Variants in CHRM2 observed in about 807,000 individuals in gnomAD.
CHRM2 encodes the protein cholinergic receptor muscarinic 2.
CHRM2 carries 8 observed loss-of-function variants against 25.0 expected under a neutral mutation model. That is an observed-to-expected ratio of 0.32 (90% CI 0.19 to 0.58). The LOEUF (loss-of-function observed/expected upper bound fraction) is 0.58, where lower values mean the gene tolerates loss of function less well. Ranked by LOEUF, CHRM2 falls within the 20% of genes least tolerant of loss-of-function variation. The pLI, the probability that CHRM2 is intolerant of heterozygous loss-of-function variation, is 0.88. For missense variants in CHRM2, 440 were observed against 567.1 expected, an observed-to-expected ratio of 0.78 and a Z score of 2.28; for synonymous variants, 202 against 205.7, an observed-to-expected ratio of 0.98 and a Z score of 0.15.
intron 2 of CHRM2, among the ~76,000 whole-genome samples, chr7:136,958,135 T>A (rs2130880432): frequency 6.6e-6 from 1 of 152,304 alleles, no homozygotes; most frequent in Admixed American, 6.5e-5. Context: ...CACATTTTTA[T>A]GCTAACGGAA....
chr7:136,962,537 C>T (rs941399996), intron 2 of CHRM2, among the ~76,000 whole-genome samples: 1 of 152,144 alleles, frequency 6.6e-6, no homozygotes, highest in African/African-American at 2.4e-5. Flanking sequence ...TAGTCATGCC[C>T]TGTTCTCTGA....
rs146350491 is a variant in CHRM2, at chr7:136,979,366, T to C, written c.-124-12821T>C. ...ATTAGTGCTTTGTCAGATGGATAGA[T>C]TGCAAAATTTTTCTCCTATTCTGTA... On this transcript the variant is annotated intron_variant, in intron 2 of 3. Transcript: ENST00000680005. 1.9e-3 allele frequency among the ~76,000 whole-genome samples: 283 copies of C among 152,340 alleles called. 9 individuals are homozygous for C. The East Asian group carries it at 0.051, about 27-fold the overall frequency.
At chr7:136,883,185 C>T (rs1248234363) in intron 2 of CHRM2, among the ~76,000 whole-genome samples, 1 of 152,132 alleles carries the variant, frequency 6.6e-6, no homozygotes, top group South Asian at 2.1e-4. Flanking sequence ...AGCTCCCTAG[C>T]AGTGGGGATC....
chr7:136,912,158 TA>T (rs1465238664), intron 2 of CHRM2, among the ~76,000 whole-genome samples: 1 of 151,964 alleles, frequency 6.6e-6, no homozygotes, highest in Non-Finnish European at 1.5e-5. Flanking sequence ...TGAAAGTTTC[TA>T]ACCCCTTCTC....
In CHRM2 at chr7:136,868,733, G is replaced by A. The variant is rs1399437712; in HGVS notation, c.-542G>A. On this transcript the variant is annotated 5_prime_UTR_variant, in exon 1 of 4. Transcript: ENST00000680005. ...AAGGCGCCAGGGCGCAAAGACCTAG[G>A]GAGCGCGCGCGGGCACACACACACA... The A allele has an allele frequency of 1.3e-5, 2 of 148,510 alleles. No individual in the cohort carries two copies. The highest frequency in any genetic ancestry group is 2.5e-5 in the African/African-American group (1 of 39,602). 9.2% of individuals were successfully genotyped at this position (148,510 alleles called of 1,614,324 possible).
At chr7:136,931,072 G>A (rs536608948) in intron 2 of CHRM2, among the ~76,000 whole-genome samples, 5 of 152,198 alleles carry the variant, frequency 3.3e-5, no homozygotes, top group Non-Finnish European at 7.4e-5. Flanking sequence ...GGATTATTTT[G>A]ATTCGTTCTA....
At chr7:136,998,925 C>T (rs1274266702) in intron 3 of CHRM2, among the ~76,000 whole-genome samples, 1 of 152,006 alleles carries the variant, frequency 6.6e-6, no homozygotes, top group Admixed American at 6.6e-5. Flanking sequence ...GAAGTAGCTA[C>T]CAGTTAGTTA....
chr7:136,955,518 C>T (rs376864828), intron 2 of CHRM2, among the ~76,000 whole-genome samples: 1 of 152,146 alleles, frequency 6.6e-6, no homozygotes, highest in East Asian at 1.9e-4. Context: ...CAAATTCCAG[C>T]CATGAGTTGG....
At chr7:137,003,697 A>G (rs1262928560) in intron 3 of CHRM2, among the ~76,000 whole-genome samples, 1 of 152,132 alleles carries the variant, frequency 6.6e-6, no homozygotes, top group Non-Finnish European at 1.5e-5. Context: ...CAGACAATGC[A>G]TGCTAAACCA....
At chr7:137,010,908 G>A (rs1804761446) in intron 3 of CHRM2, among the ~76,000 whole-genome samples, 1 of 151,892 alleles carries the variant, frequency 6.6e-6, no homozygotes. Context: ...CAAAGGGCAA[G>A]GGAAACAGAG....
chr7:136,973,539 G>A (rs113465557), intron 2 of CHRM2, among the ~76,000 whole-genome samples: 20 of 112,478 alleles, frequency 1.8e-4, no homozygotes, highest in South Asian at 3.7e-4. Context: ...TGACGGTGAC[G>A]GTGTTAGGGA....
At position 136,890,273 on chromosome 7, in the gene CHRM2, G is replaced by A. The variant is rs118074269; in HGVS notation, c.-125+20855G>A. ...GGAAAGGCGTGGGCACATGGACTCC[G>A]AACTATAACGTCACCATTAACACTT... On this transcript the variant is annotated intron_variant, in intron 2 of 3. Transcript: ENST00000680005. Among the ~76,000 whole-genome samples the A allele has an allele frequency of 1.2e-3, 183 of 152,228 alleles. 1 individual carries two copies. The East Asian group carries it at 0.03, about 25-fold the overall frequency.
At chr7:136,946,062 A>G (rs1346652459) in intron 2 of CHRM2, among the ~76,000 whole-genome samples, 2 of 152,136 alleles carry the variant, frequency 1.3e-5, no homozygotes, top group African/African-American at 4.8e-5. Context: ...TCCTAGCTAA[A>G]TTCACATCAT....
intron 2 of CHRM2, among the ~76,000 whole-genome samples, chr7:136,922,255 A>G (rs1798491730): frequency 6.6e-6 from 1 of 152,192 alleles, no homozygotes; most frequent in Admixed American, 6.5e-5. Flanking sequence ...TTTACTGTAC[A>G]AGCATTTCCC....
At chr7:137,013,966 T>A in intron 3 of CHRM2, among the ~76,000 whole-genome samples, 1 of 152,158 alleles carries the variant, frequency 6.6e-6, no homozygotes, top group East Asian at 1.9e-4. Context: ...AATAGTAAGA[T>A]AATAGATTTG....
At chr7:136,976,492 A>T (rs1802112735) in intron 2 of CHRM2, among the ~76,000 whole-genome samples, 1 of 152,182 alleles carries the variant, frequency 6.6e-6, no homozygotes, top group Non-Finnish European at 1.5e-5. Context: ...ACCAAGAAAT[A>T]AAGTGGCTAA....
At chr7:137,011,194 C>CAT (rs1554436247) in intron 3 of CHRM2, among the ~76,000 whole-genome samples, 31 of 136,438 alleles carry the variant, frequency 2.3e-4, no homozygotes, top group African/African-American at 8.7e-4. Flanking sequence ...TATATGTGTA[C>CAT]GTGTGTGTGT....
chr7:136,940,992 C>A (rs1271360986), intron 2 of CHRM2, among the ~76,000 whole-genome samples: 3 of 152,154 alleles, frequency 2.0e-5, no homozygotes, highest in African/African-American at 7.2e-5. Flanking sequence ...AGGGGCCTGA[C>A]CTTGCCCAGC....
chr7:136,880,284 A>G (rs1241756683), intron 2 of CHRM2, among the ~76,000 whole-genome samples: 1 of 151,846 alleles, frequency 6.6e-6, no homozygotes, highest in African/African-American at 2.4e-5. Context: ...TTTCAGAAAT[A>G]ATTGGTGGTG....
Sources: allele counts gnomAD v4.1 joint callset (sites outside exome capture counted in the v4.1 genomes callset), GRCh38; gene constraint gnomAD v4.1.1; transcripts MANE v1.5; gene names NCBI Gene and HGNC (gene_info 2026-07-23, HGNC 2026-07-21).